Variants in GPR137C observed in about 807,000 individuals in gnomAD.
GPR137C encodes the protein integral membrane protein GPR137C.
In GPR137C, 27 loss-of-function variants were observed where a neutral mutation model predicts 43.4. The observed-to-expected ratio is 0.62, with a 90% CI of 0.46 to 0.86. GPR137C has a LOEUF of 0.86. GPR137C is among the 40% of genes least tolerant of loss of function. The pLI is 0.00. For synonymous variants in GPR137C, 285 were observed against 226.9 expected, an observed-to-expected ratio of 1.26 and a Z score of -2.30; for missense variants, 522 against 534.6, an observed-to-expected ratio of 0.98 and a Z score of 0.23.
At chr14:52,561,371 A>C (rs911152842) in intron 1 of GPR137C, among the ~76,000 whole-genome samples, 3 of 152,152 alleles carry the variant, frequency 2.0e-5, no homozygotes, top group African/African-American at 7.2e-5. Context: ...TACTCAGGAA[A>C]CTGAGGCAGG....
intron 2 of GPR137C, among the ~76,000 whole-genome samples, chr14:52,599,465 G>A (rs4901290): frequency 0.14 from 19,925 of 140,454 alleles, 1,425 homozygotes; most frequent in Non-Finnish European, 0.16. Context: ...ATACAGTCTC[G>A]CAGTCTCACC....
chr14:52,634,088 G>A lies in GPR137C; in HGVS notation c.1112+142G>A, dbSNP rs867452298. ...AAGATCGGCAATACTGGAGTTTAAA[G>A]CAGTAGATGTTAAACCCAGGGTGGG... On this transcript the variant is annotated intron_variant, in intron 6 of 6. Transcript: ENST00000321662. 1.3e-5 allele frequency: 8 copies of A among 627,974 alleles called. No homozygotes were observed. The Middle Eastern group carries it at 1.4e-3, about 112-fold the overall frequency. 38.9% of individuals were successfully genotyped at this position (627,974 alleles called of 1,614,324 possible).
intron 3 of GPR137C, among the ~76,000 whole-genome samples, chr14:52,618,036 G>A (rs1392814234): frequency 6.6e-6 from 1 of 152,084 alleles, no homozygotes; most frequent in Non-Finnish European, 1.5e-5. Flanking sequence ...GAAAATGTTG[G>A]CAAAATTTGA....
chr14:52,592,311 G>A (rs371061285), intron 1 of GPR137C, among the ~76,000 whole-genome samples: 1 of 152,098 alleles, frequency 6.6e-6, no homozygotes, highest in Non-Finnish European at 1.5e-5. Flanking sequence ...TCTTGGCTAT[G>A]GGGGCTCTTT....
chr14:52,571,145 C>A (rs35515320), intron 1 of GPR137C, among the ~76,000 whole-genome samples: 5 of 152,110 alleles, frequency 3.3e-5, no homozygotes, highest in Admixed American at 2.6e-4. Context: ...TCACTCAGAC[C>A]GCAGTGCAAT....
chr14:52,608,862 T>A (rs776062740), intron 3 of GPR137C, among the ~76,000 whole-genome samples: 2 of 152,196 alleles, frequency 1.3e-5, no homozygotes, highest in Non-Finnish European at 2.9e-5. Context: ...GGATCTTCTC[T>A]TTGTCTTTCA....
At chr14:52,634,027 GA>G (rs748153038) in intron 6 of GPR137C, 81 bp downstream of exon 6, 48 of 827,244 alleles carry the variant, frequency 5.8e-5, no homozygotes, top group East Asian at 4.4e-4. Context: ...ACCAAAATAT[GA>G]AAAAAGGTGA....
At chr14:52,625,640 C>T (rs555110138) in intron 3 of GPR137C, among the ~76,000 whole-genome samples, 8 of 140,820 alleles carry the variant, frequency 5.7e-5, no homozygotes, top group African/African-American at 1.8e-4. Flanking sequence ...CTGCAATCTC[C>T]GCCTCCCAGG....
At chr14:52,575,476 CAA>C (rs1313510711) in intron 1 of GPR137C, among the ~76,000 whole-genome samples, 1 of 152,148 alleles carries the variant, frequency 6.6e-6, no homozygotes. Context: ...AAAAACAACA[CAA>C]AGTGGAGATG....
chr14:52,559,356 T>C (rs1468810393), intron 1 of GPR137C, among the ~76,000 whole-genome samples: 1 of 152,058 alleles, frequency 6.6e-6, no homozygotes, highest in African/African-American at 2.4e-5. Flanking sequence ...CACTCTAGCC[T>C]GGCGACAGAG....
chr14:52,624,741 A>G (rs1379363601), intron 3 of GPR137C, among the ~76,000 whole-genome samples: 1 of 148,212 alleles, frequency 6.7e-6, no homozygotes, highest in East Asian at 1.9e-4. Flanking sequence ...AAAAAAACTG[A>G]AATAATAAAG....
chr14:52,555,894 CTT>C lies in GPR137C; in HGVS notation c.444+2306_444+2307del, dbSNP rs376882190. 1.7e-4 allele frequency among the ~76,000 whole-genome samples: 26 copies of C among 152,232 alleles called. No homozygotes were observed. The South Asian group carries it at 5.4e-3, about 32-fold the overall frequency. ...GATATCTTAACCAGAAATCATTTCT[CTT>C]TTCATTAGAGAAAATCTCCAGGAAC... On this transcript the variant is annotated intron_variant, in intron 1 of 6. Transcript: ENST00000321662.
intron 3 of GPR137C, chr14:52,613,624 G>C (rs1273954058): frequency 4.8e-6 from 1 of 210,000 alleles, no homozygotes; most frequent in Non-Finnish European, 9.8e-6. Context: ...TTCTGTGCCT[G>C]GCATATTTTA....
chr14:52,558,685 C>T (rs755788213), intron 1 of GPR137C, among the ~76,000 whole-genome samples: 4 of 152,090 alleles, frequency 2.6e-5, no homozygotes, highest in Non-Finnish European at 5.9e-5. Flanking sequence ...TTATTAAATA[C>T]ATAGTACACA....
chr14:52,574,742 A>T (rs745524409), intron 1 of GPR137C, among the ~76,000 whole-genome samples: 1 of 152,092 alleles, frequency 6.6e-6, no homozygotes. Flanking sequence ...AAAGCAAGCG[A>T]CATTTCTTCT....
intron 3 of GPR137C, chr14:52,612,534 CA>C: frequency 3.1e-6 from 3 of 980,464 alleles, no homozygotes; most frequent in Non-Finnish European, 3.6e-6. Flanking sequence ...ACAGAGCACT[CA>C]CGTATCTTTT....
At chr14:52,563,164 A>G (rs1466374910) in intron 1 of GPR137C, among the ~76,000 whole-genome samples, 2 of 152,150 alleles carry the variant, frequency 1.3e-5, no homozygotes, top group East Asian at 1.9e-4. Context: ...TGGCTAGCAC[A>G]TTGAATAGCA....
intron 1 of GPR137C, among the ~76,000 whole-genome samples, chr14:52,559,130 C>T (rs2038239676): frequency 2.0e-5 from 3 of 152,188 alleles, no homozygotes; most frequent in Admixed American, 2.0e-4. Flanking sequence ...CTAATCCCAG[C>T]ACTTTGGGAG....
chr14:52,631,163 A>G (rs1418338506), intron 3 of GPR137C, among the ~76,000 whole-genome samples: 1 of 152,208 alleles, frequency 6.6e-6, no homozygotes, highest in African/African-American at 2.4e-5. Flanking sequence ...AAACGGAATT[A>G]GGTTCTGACT....
Sources: gnomAD v4.1 joint callset for allele counts (sites outside exome capture counted in the v4.1 genomes callset) on GRCh38, gnomAD v4.1.1 for gene constraint, MANE v1.5 for transcripts, NCBI Gene and HGNC (gene_info 2026-07-23, HGNC 2026-07-21) for gene names.